ANKRD36B: variants seen among roughly 807,000 people sequenced by gnomAD.
The protein encoded by ANKRD36B is ankyrin repeat domain-containing protein 36B.
ANKRD36B carries 37 observed loss-of-function variants against 135.7 expected under a neutral mutation model. The ratio of observed to expected loss-of-function variants is 0.27; its 90% CI spans 0.21 to 0.36. The LOEUF (loss-of-function observed/expected upper bound fraction) is 0.36, where lower values mean the gene tolerates loss of function less well. Ranked by LOEUF, ANKRD36B falls within the 10% of genes least tolerant of loss-of-function variation. The probability of loss-of-function intolerance (pLI) is 1.00; values close to 1 mark genes in which losing one functional copy is unlikely to be tolerated. For missense variants in ANKRD36B, 549 were observed against 1,037.1 expected, an observed-to-expected ratio of 0.53 and a Z score of 6.46; for synonymous variants, 179 against 348.1, an observed-to-expected ratio of 0.51 and a Z score of 5.41.
chr2:97,576,972 A>G (rs535243025), intron 5 of ANKRD36B, among the ~76,000 whole-genome samples: 12 of 152,216 alleles, frequency 7.9e-5, no homozygotes, highest in Non-Finnish European at 8.8e-5. Flanking sequence ...CAAATGCTTC[A>G]GTTTAAGAAA....
chr2:97,575,498 C>G (rs1483778046), intron 6 of ANKRD36B, among the ~76,000 whole-genome samples: 1 of 151,260 alleles, frequency 6.6e-6, no homozygotes, highest in Non-Finnish European at 1.5e-5. Context: ...ATTTCTCTCT[C>G]CCCACTAATG....
chr2:97,563,682 C>G (rs1404838687), intron 6 of ANKRD36B, among the ~76,000 whole-genome samples: 2 of 152,108 alleles, frequency 1.3e-5, no homozygotes, highest in Non-Finnish European at 2.9e-5. Context: ...AAAGCACACA[C>G]TGGATTTTCT....
At chr2:97,564,481 G>C (rs1317032543) in intron 6 of ANKRD36B, among the ~76,000 whole-genome samples, 1 of 152,098 alleles carries the variant, frequency 6.6e-6, no homozygotes, top group African/African-American at 2.4e-5. Flanking sequence ...GTACTGCCTA[G>C]GTTTTCATCC....
At chr2:97,581,116 G>C (rs1214385383) in intron 3 of ANKRD36B, among the ~76,000 whole-genome samples, 1 of 138,556 alleles carries the variant, frequency 7.2e-6, no homozygotes, top group Non-Finnish European at 1.5e-5. Flanking sequence ...ACAAAACTGT[G>C]CATTATGTGT....
At chr2:97,567,009 C>G (rs1342546348) in intron 6 of ANKRD36B, among the ~76,000 whole-genome samples, 1 of 151,946 alleles carries the variant, frequency 6.6e-6, no homozygotes, top group African/African-American at 2.4e-5. Context: ...AACTTCTAAT[C>G]AACTTCCAGT....
At chr2:97,572,185 G>A (rs2081925164) in intron 6 of ANKRD36B, among the ~76,000 whole-genome samples, 1 of 151,858 alleles carries the variant, frequency 6.6e-6, no homozygotes, top group Admixed American at 6.6e-5. Flanking sequence ...AGGAGGCCGA[G>A]GTAGGAGGAC....
At position 97,496,721 on chromosome 2, in the gene ANKRD36B, G is replaced by A. The variant is rs1231758973; in HGVS notation, c.*7-3866C>T. Among the ~76,000 whole-genome samples the A allele has an allele frequency of 9.4e-5, 7 of 74,678 alleles. No homozygotes were observed. The East Asian group carries it at 1.8e-3, about 20-fold the overall frequency. 49.0% of individuals were successfully genotyped at this position (74,678 alleles called of 152,430 possible). A position where few individuals can be genotyped will look rare whatever the true frequency, so the allele number is the denominator to read the frequency against. On this transcript the variant is annotated intron_variant, in intron 43 of 43. Coordinates refer to ENST00000359901, the MANE Select transcript of ANKRD36B (RefSeq NM_001393939.1). ...GATGAAAACACATCGTTTACAGTAT[G>A]GTTTACCAAATATCTTAAGCACACT...
intron 14 of ANKRD36B, 66 bp from the exon 15 acceptor site, chr2:97,553,437 C>T (rs1396897877): frequency 9.7e-6 from 15 of 1,540,884 alleles, no homozygotes; most frequent in East Asian, 4.6e-5. Flanking sequence ...TACATTCATG[C>T]GGTGTTAGCA....
chr2:97,561,177 A>T (rs898823137), intron 6 of ANKRD36B, among the ~76,000 whole-genome samples: 1 of 151,916 alleles, frequency 6.6e-6, no homozygotes, highest in Non-Finnish European at 1.5e-5. Context: ...GTGATCTAAA[A>T]TCAGAGTCCA....
At chr2:97,581,792 C>CATTTATTTATTT (rs747453435) in intron 3 of ANKRD36B, among the ~76,000 whole-genome samples, 1 of 151,882 alleles carries the variant, frequency 6.6e-6, no homozygotes, top group African/African-American at 2.4e-5. Context: ...TTATTTGCAT[C>CATTTATTTATTT]ATTTATTTAT....
At chr2:97,545,008 A>G (rs2079336108) in intron 24 of ANKRD36B, among the ~76,000 whole-genome samples, 1 of 95,288 alleles carries the variant, frequency 1.0e-5, no homozygotes, top group Admixed American at 9.4e-5. Context: ...ACTCCTAAAG[A>G]GGAGTAATGA....
At chr2:97,580,361 T>C (rs2082550796) in intron 4 of ANKRD36B, 101 bp downstream of exon 4, 16 of 1,044,158 alleles carry the variant, frequency 1.5e-5, no homozygotes, top group Non-Finnish European at 4.0e-6. Context: ...AATTAAAAGT[T>C]AGTCTTCTTA....
chr2:97,581,777 C>A (rs2104303901), intron 3 of ANKRD36B, among the ~76,000 whole-genome samples: 1 of 152,256 alleles, frequency 6.6e-6, no homozygotes, highest in East Asian at 1.9e-4. Flanking sequence ...ATGAAAACCA[C>A]TAAATTATTT....
Position 97,558,847 on chromosome 2 carries a change from C to G in ANKRD36B, c.919G>C (p.Val307Leu), listed in dbSNP as rs1017668239. Residue 307 changes from valine (V) to leucine (L), a missense_variant, in exon 10 of 44, where the codon GTT (valine) becomes CTT (leucine). Transcript: ENST00000359901. ...EKATSDEKDSVSNIATEIKEG... is the reference protein window; with the variant it reads ...EKATSDEKDSLSNIATEIKEG... ...TTTATTTCTGTGGCTATATTTGAAA[C>G]AGAATCTTTCTCGTCACTTGTAGCC... The G allele has an allele frequency of 9.3e-6, 15 of 1,611,296 alleles. No individual in the cohort carries two copies. The African/African-American group carries it at 1.5e-4, about 16-fold the overall frequency.
chr2:97,580,411 T>C (rs200824273), intron 4 of ANKRD36B, 51 bp downstream of exon 4: 168 of 1,456,244 alleles, frequency 1.2e-4, no homozygotes, highest in Non-Finnish European at 1.5e-4. Context: ...GCTACCACTC[T>C]AAAATGACAC....
intron 3 of ANKRD36B, among the ~76,000 whole-genome samples, chr2:97,581,939 G>T (rs1279786568): frequency 6.6e-6 from 1 of 151,326 alleles, no homozygotes; most frequent in African/African-American, 2.4e-5. Flanking sequence ...CTCCCGAGTA[G>T]CTGGGACTAC....
intron 10 of ANKRD36B, 108 bp from the exon 11 acceptor site, chr2:97,557,240 T>A (rs1296123785): frequency 9.8e-6 from 14 of 1,433,976 alleles, no homozygotes; most frequent in Non-Finnish European, 1.2e-5. Context: ...TGCACTAGTG[T>A]AGGATTTGAT....
chr2:97,549,367 ACTT>A (rs1380406363), intron 20 of ANKRD36B, 49 bp downstream of exon 20: 5 of 1,517,616 alleles, frequency 3.3e-6, no homozygotes, highest in African/African-American at 1.4e-5. Context: ...GGGGAAGAGA[ACTT>A]CTTATCTATC....
chr2:97,580,013 C>A (rs1203697244), intron 4 of ANKRD36B, among the ~76,000 whole-genome samples: 1 of 152,220 alleles, frequency 6.6e-6, no homozygotes, highest in Non-Finnish European at 1.5e-5. Context: ...AAAGTTTTAT[C>A]CATCTAAAGC....
Sources: gnomAD v4.1 joint callset for allele counts (sites outside exome capture counted in the v4.1 genomes callset) on GRCh38, gnomAD v4.1.1 for gene constraint, MANE v1.5 for transcripts, NCBI Gene and HGNC (gene_info 2026-07-23, HGNC 2026-07-21) for gene names.